CTNNA3: variants seen among roughly 807,000 people sequenced by gnomAD.
The protein encoded by CTNNA3 is catenin alpha-3.
Under a neutral mutation model 95.7 loss-of-function variants are expected in CTNNA3, and 76 were observed. The ratio of observed to expected loss-of-function variants is 0.79; its 90% CI spans 0.66 to 0.96. The LOEUF (loss-of-function observed/expected upper bound fraction) is 0.96. Ranked by LOEUF, CTNNA3 falls within the 40% of genes least tolerant of loss-of-function variation. The pLI, the probability that CTNNA3 is intolerant of heterozygous loss-of-function variation, is 0.00. For missense variants in CTNNA3, 1,191 were observed against 1,089.8 expected, an observed-to-expected ratio of 1.09 and a Z score of -1.31; for synonymous variants, 431 against 374.4, an observed-to-expected ratio of 1.15 and a Z score of -1.74.
chr10:67,249,523 A>G (rs1866026053), intron 5 of CTNNA3, among the ~76,000 whole-genome samples: 1 of 152,128 alleles, frequency 6.6e-6, no homozygotes, highest in South Asian at 2.1e-4. Flanking sequence ...AACAAAATCA[A>G]TTTACTATAG....
chr10:65,972,904 GAAAAAA>G (rs3052085), intron 16 of CTNNA3, among the ~76,000 whole-genome samples: 55 of 140,140 alleles, frequency 3.9e-4, no homozygotes, highest in African/African-American at 1.3e-3. Flanking sequence ...TCCTAAGGGG[GAAAAAA>G]AAAAAAAAAA....
Position 67,207,614 on chromosome 10 carries a change from T to G in CTNNA3, c.843+11993A>C, listed in dbSNP as rs779985226. On this transcript the variant is annotated intron_variant, in intron 6 of 17. Coordinates refer to ENST00000433211, the MANE Select transcript of CTNNA3 (RefSeq NM_013266.4). ...ACAAGAAGCTTCTTCTCCAAGAAGA[T>G]AAACTATTTGCTTTCCATGTTCTAA... Among the ~76,000 whole-genome samples the G allele has an allele frequency of 2.0e-5, 3 of 152,218 alleles. No individual in the cohort carries two copies. In the South Asian group the frequency reaches 6.2e-4, roughly 32 times the overall value.
intron 7 of CTNNA3, among the ~76,000 whole-genome samples, chr10:66,890,904 A>T (rs1845244239): frequency 6.6e-6 from 1 of 152,070 alleles, no homozygotes; most frequent in African/African-American, 2.4e-5. Flanking sequence ...GCACAGAGAG[A>T]AGGAGCAGGG....
At chr10:66,068,976 G>C (rs1323353442) in intron 15 of CTNNA3, among the ~76,000 whole-genome samples, 2 of 152,016 alleles carry the variant, frequency 1.3e-5, no homozygotes, top group African/African-American at 2.4e-5. Flanking sequence ...CATTCAGATA[G>C]CTCCAATACC....
intron 7 of CTNNA3, among the ~76,000 whole-genome samples, chr10:67,144,879 GC>G (rs1564921751): frequency 1.3e-5 from 2 of 152,246 alleles, no homozygotes; most frequent in East Asian, 3.9e-4. Context: ...GGTATAAGAG[GC>G]CTAGTTTTTG....
intron 1 of CTNNA3, among the ~76,000 whole-genome samples, chr10:67,694,385 C>A (rs1027529158): frequency 6.6e-6 from 1 of 152,038 alleles, no homozygotes; most frequent in African/African-American, 2.4e-5. Context: ...AGGAATTTTA[C>A]AATGCTTTAA....
intron 7 of CTNNA3, among the ~76,000 whole-genome samples, chr10:67,133,637 G>A (rs1860149331): frequency 6.6e-6 from 1 of 151,744 alleles, no homozygotes; most frequent in African/African-American, 2.4e-5. Context: ...AGAATCAGGA[G>A]ATTAAAACTC....
At chr10:67,660,768 A>G (rs1840161684) in intron 1 of CTNNA3, among the ~76,000 whole-genome samples, 1 of 152,032 alleles carries the variant, frequency 6.6e-6, no homozygotes, top group Non-Finnish European at 1.5e-5. Context: ...CATCTCTACT[A>G]AAAATACAAA....
At chr10:66,162,482 G>T (rs921401199) in intron 13 of CTNNA3, among the ~76,000 whole-genome samples, 1 of 152,018 alleles carries the variant, frequency 6.6e-6, no homozygotes, top group Non-Finnish European at 1.5e-5. Context: ...CTCCCTTCTG[G>T]GTCTAGCCAC....
intron 12 of CTNNA3, among the ~76,000 whole-genome samples, chr10:66,317,846 C>T (rs1329694220): frequency 6.6e-6 from 1 of 151,980 alleles, no homozygotes; most frequent in Non-Finnish European, 1.5e-5. Flanking sequence ...AAAATGATCT[C>T]TGAAAGCTCT....
At chr10:67,314,063 T>C (rs987319322) in intron 5 of CTNNA3, among the ~76,000 whole-genome samples, 4 of 152,132 alleles carry the variant, frequency 2.6e-5, no homozygotes, top group African/African-American at 9.7e-5. Context: ...ACTTTTAAGA[T>C]AAACAGCAAG....
intron 7 of CTNNA3, among the ~76,000 whole-genome samples, chr10:66,972,191 G>A (rs1849758930): frequency 6.6e-6 from 1 of 152,088 alleles, no homozygotes; most frequent in African/African-American, 2.4e-5. Context: ...CAGTTTCACT[G>A]GAATGAACAA....
intron 11 of CTNNA3, among the ~76,000 whole-genome samples, chr10:66,468,842 T>C (rs1839024498): frequency 6.6e-6 from 1 of 151,944 alleles, no homozygotes; most frequent in African/African-American, 2.4e-5. Flanking sequence ...TTTCTGGTAT[T>C]TTTTCAATAG....
intron 13 of CTNNA3, among the ~76,000 whole-genome samples, chr10:66,106,721 T>C (rs1227990692): frequency 6.6e-6 from 1 of 152,150 alleles, no homozygotes. Context: ...AATATACACC[T>C]TTATATTTTT....
intron 10 of CTNNA3, among the ~76,000 whole-genome samples, chr10:66,543,907 GTGTGTATATATATATATATATATATATA>G (rs1264102496): frequency 6.9e-5 from 2 of 28,954 alleles, no homozygotes; most frequent in African/African-American, 1.5e-4. Flanking sequence ...AGATGTGTGT[GTGTGTATATATATATATATATATATATA>G]TATATATATA....
In CTNNA3 at chr10:66,428,562, CA is replaced by C. The variant is rs1199500396; in HGVS notation, c.1532-49211del. Among the ~76,000 whole-genome samples, 36 of 152,130 alleles carry C rather than the reference CA, an allele frequency of 2.4e-4. 1 individual carries two copies. The highest frequency in any genetic ancestry group is 8.7e-4 in the African/African-American group (36 of 41,512). ...AATTATAACAAACTGTCTCTCAAAC[CA>C]CAGTGCAATCAAACTAGAAGGCAGG... On this transcript the variant is annotated intron_variant, in intron 11 of 17. Transcript: ENST00000433211.
chr10:66,756,932 T>G (rs1292167302), intron 9 of CTNNA3, among the ~76,000 whole-genome samples: 1 of 152,192 alleles, frequency 6.6e-6, no homozygotes, highest in Non-Finnish European at 1.5e-5. Context: ...CATTATGTAT[T>G]GTCATAAGTG....
At chr10:66,976,521 A>T (rs1850040206) in intron 7 of CTNNA3, among the ~76,000 whole-genome samples, 3 of 152,176 alleles carry the variant, frequency 2.0e-5, no homozygotes, top group Non-Finnish European at 4.4e-5. Flanking sequence ...GTGTTGAAAG[A>T]TGTCTTCATA....
intron 7 of CTNNA3, among the ~76,000 whole-genome samples, chr10:67,004,947 C>A (rs189940876): frequency 6.6e-5 from 10 of 152,018 alleles, no homozygotes; most frequent in Non-Finnish European, 8.8e-5. Flanking sequence ...TGTATTACCC[C>A]CAAAGAAAAG....
Sources: allele counts gnomAD v4.1 joint callset (sites outside exome capture counted in the v4.1 genomes callset), GRCh38; gene constraint gnomAD v4.1.1; transcripts MANE v1.5; gene names NCBI Gene and HGNC (gene_info 2026-07-23, HGNC 2026-07-21).